The following AGRP variants were observed in gnomAD, a reference collection of about 807,000 sequenced individuals.
AGRP encodes agouti-related protein.
In AGRP, 8 loss-of-function variants were observed where a neutral mutation model predicts 13.6. The ratio of observed to expected loss-of-function variants is 0.59; its 90% CI spans 0.35 to 1.06. The LOEUF (loss-of-function observed/expected upper bound fraction) is 1.06. Among genes scored for constraint, AGRP ranks in the 50% least tolerant of loss-of-function variants. The pLI, the probability that AGRP is intolerant of heterozygous loss-of-function variation, is 0.02. For synonymous variants in AGRP, 63 were observed against 72.4 expected (o/e 0.87, Z 0.66); for missense variants, 155 against 174.8 (o/e 0.89, Z 0.64).
At chr16:67,483,485 A>G (rs991532140) in intron 1 of AGRP, 32 bp downstream of exon 1, 8 of 1,400,144 alleles carry the variant, frequency 5.7e-6, no homozygotes, top group Admixed American at 5.1e-5. Context: ...CCCCACAGAG[A>G]GGAGGAGTCC....
chr16:67,482,888 C>T, intron 3 of AGRP, 70 bp from the exon 4 acceptor site: 1 of 1,591,868 alleles, frequency 6.3e-7, no homozygotes, highest in Non-Finnish European at 8.6e-7. Flanking sequence ...CCAACCTGTG[C>T]AGGATGGCAG....
In AGRP at chr16:67,483,020, G is replaced by GT; in HGVS notation, c.216+4dup. Reference sequence around the variant, plus strand: ...ACCACCTTACCCTTTTCCCTGAGCAGTTACCTCTGCCAAGGCCTGAGCCTC... The same window carrying GT: ...ACCACCTTACCCTTTTCCCTGAGCAGTTTACCTCTGCCAAGGCCTGAGCCTC... On this transcript the variant is annotated splice_donor_region_variant and intron_variant, in intron 3 of 3. Transcript: ENST00000290953. The GT allele has an allele frequency of 6.2e-7, 1 of 1,614,080 alleles. No individual in the cohort carries two copies. Among genetic ancestry groups the GT allele is most frequent in the Middle Eastern group, 1.7e-4 (1 of 6,060 alleles).
intron 3 of AGRP, 85 bp from the exon 4 acceptor site, chr16:67,482,903 G>T: frequency 6.3e-7 from 1 of 1,578,164 alleles, no homozygotes; most frequent in Non-Finnish European, 8.7e-7. Context: ...TGGCAGTGGA[G>T]CATGGGAAGG....
rs997054410 is a variant in AGRP at position 67,483,346 on chromosome 16, G to A, written c.53C>T (p.Thr18Met). 9.0e-6 allele frequency: 14 copies of A among 1,553,734 alleles called. No homozygotes were observed. The highest frequency in any genetic ancestry group is 4.0e-5 in the Admixed American group (2 of 49,968). ...SCALLLALPA[T>M]RGAQMGLAPM... ...GGCCAAGCCCATCTGGGCTCCTCGC[G>A]TGGCAGGCAGTGCCAGCAGCAGGGC... Residue 18 changes from threonine (T) to methionine (M), a missense_variant, in exon 2 of 4, where the codon ACG becomes ATG. Thr to Met is a moderately conservative substitution (Grantham distance 81, BLOSUM62 -1). Coordinates refer to ENST00000290953, the MANE Select transcript of AGRP (RefSeq NM_001138.2).
intron 3 of AGRP, 36 bp from the exon 4 acceptor site, chr16:67,482,854 A>G: frequency 6.2e-7 from 1 of 1,611,812 alleles, no homozygotes; most frequent in East Asian, 2.2e-5. Flanking sequence ...GCCTCTAAAG[A>G]CAGATCCAGG....
rs750189420 is a variant in AGRP, at chr16:67,482,809, GGTCTAGT to G, written c.219_225del (p.Leu74CysfsTer13). 2 of 1,614,078 alleles carry G rather than the reference GGTCTAGT, an allele frequency of 1.2e-6. No homozygotes were observed. Among genetic ancestry groups the G allele is most frequent in the South Asian group, 2.2e-5 (2 of 91,086 alleles). On this transcript the variant is annotated frameshift_variant and splice_region_variant, in exon 4 of 4. Transcript: ENST00000290953. LOFTEE classifies it high-confidence loss of function. The stretch of plus-strand genomic sequence containing the variant: ...GAGGAGCGGGGCTCGCGGTCCTGCA[GGTCTAGT>G]ACCTGCAGGGGTGGGGAACCAGCAC...
chr16:67,483,362 G>C lies in AGRP; in HGVS notation c.37C>G (p.Leu13Val). ...GCTCCTCGCGTGGCAGGCAGTGCCA[G>C]CAGCAGGGCACAGCTCAGCACCGCT... ...TAAVLSCALL[L>V]ALPATRGAQM... The change falls in exon 2 of 4, where the codon CTG becomes GTG. Residue 13 changes from leucine to valine, a missense_variant. Coordinates refer to ENST00000290953, the MANE Select transcript of AGRP (RefSeq NM_001138.2). 1.3e-6 allele frequency: 2 copies of C among 1,548,950 alleles called. No homozygotes were observed. Among genetic ancestry groups the C allele is most frequent in the Non-Finnish European group, 1.7e-6 (2 of 1,150,272 alleles).
At chr16:67,482,966 C>CTAAT in intron 3 of AGRP, 59 bp downstream of exon 3, 1 of 1,578,160 alleles carries the variant, frequency 6.3e-7, no homozygotes, top group Non-Finnish European at 8.7e-7. Context: ...GGGAGAGGAG[C>CTAAT]TAATACCCAA....
At position 67,483,385 on chromosome 16, in the gene AGRP, G is replaced by C; in HGVS notation, c.14C>G (p.Ala5Gly). Reference protein sequence around the residue: MLTAAVLSCALLLAL... With the variant: MLTAGVLSCALLLAL... ...CAGCAGCAGGGCACAGCTCAGCACCGCTGCGGTCAGCATGGCCTGGCTCAG... is the reference window on the plus strand; with the variant it reads ...CAGCAGCAGGGCACAGCTCAGCACCCCTGCGGTCAGCATGGCCTGGCTCAG... Residue 5 changes from alanine to glycine, a missense_variant, in exon 2 of 4, where the codon GCG becomes GGG. By Grantham distance (60) the Ala-to-Gly change is moderately conservative. Transcript: ENST00000290953. The C allele has an allele frequency of 6.6e-7, 1 of 1,516,588 alleles. No homozygotes were observed. Among genetic ancestry groups the C allele is most frequent in the Non-Finnish European group, 8.8e-7 (1 of 1,132,770 alleles). The allele number at this position is 1,516,588 out of a possible 1,614,324, so 93.9% of individuals were successfully genotyped here.
Position 67,483,296 on chromosome 16 carries a change from C to A in AGRP, c.103G>T (p.Asp35Tyr). The change falls in exon 2 of 4, where the codon GAC becomes TAC. Residue 35 changes from aspartate (D) to tyrosine (Y), a missense_variant. Asp to Tyr is a radical substitution (Grantham distance 160). Coordinates refer to ENST00000290953, the MANE Select transcript of AGRP (RefSeq NM_001138.2). ...LAPMEGIRRP[D>Y]QALLPELPGL... ...GGGAGCTCTGGGAGCAGGGCCTGGT[C>A]AGGCCTTCTGATGCCCTCCATGGGG... 1.9e-6 allele frequency: 3 copies of A among 1,588,206 alleles called. No homozygotes were observed. The South Asian group carries it at 3.4e-5, about 18-fold the overall frequency.
chr16:67,483,509 G>A lies in AGRP; in HGVS notation c.-4+8C>T. The stretch of plus-strand genomic sequence containing the variant: ...GAGGAGGAGTCCCTGCCCAACCTGA[G>A]GACTCACCTCTGCCTCCGGGATTCT... On this transcript the variant is annotated splice_region_variant and intron_variant, in intron 1 of 3. Transcript: ENST00000290953. 1 of 1,265,026 alleles carries A rather than the reference G, an allele frequency of 7.9e-7. No individual in the cohort carries two copies. The highest frequency in any genetic ancestry group is 1.0e-6 in the Non-Finnish European group (1 of 961,896). 78.4% of individuals were successfully genotyped at this position (1,265,026 alleles called of 1,614,324 possible).
Position 67,482,747 on chromosome 16 carries a change from T to A in AGRP, c.288A>T (p.Gly96=). ...ATGGGTCACAGCAAGGCACCTGCTG[T>A]CCCAGGCAGGACTCATGCAGCCTTA... The part of the protein sequence containing the change: ...RCVRLHESCL[G]QQVPCCDPCA... Residue 96 remains glycine, a synonymous_variant, in exon 4 of 4, where the codon GGA becomes GGT. Coordinates refer to ENST00000290953, the MANE Select transcript of AGRP (RefSeq NM_001138.2). The A allele has an allele frequency of 1.2e-6, 2 of 1,614,128 alleles. No individual in the cohort carries two copies. Among genetic ancestry groups the A allele is most frequent in the Middle Eastern group, 1.6e-4 (1 of 6,062 alleles).
At position 67,482,571 on chromosome 16, in the gene AGRP, G is replaced by A; in HGVS notation, c.*65C>T. The A allele has an allele frequency of 6.3e-7, 1 of 1,582,646 alleles. No homozygotes were observed. Among genetic ancestry groups the A allele is most frequent in the African/African-American group, 1.3e-5 (1 of 74,246 alleles). ...CGTTTGAAATAACCACAGCCTTGGG[G>A]TTGGTCCCATCCTTTATTCGAGTTT... On this transcript the variant is annotated 3_prime_UTR_variant, in exon 4 of 4. Transcript: ENST00000290953.
In AGRP at chr16:67,483,393, C is replaced by G; in HGVS notation, c.6G>C (p.Leu2=). The G allele has an allele frequency of 6.6e-7, 1 of 1,512,280 alleles. No individual in the cohort carries two copies. The highest frequency in any genetic ancestry group is 8.8e-7 in the Non-Finnish European group (1 of 1,130,474). The allele number at this position is 1,512,280 out of a possible 1,614,324, so 93.7% of individuals were successfully genotyped here. ...GGGCACAGCTCAGCACCGCTGCGGT[C>G]AGCATGGCCTGGCTCAGCAGGAAGA... The part of the protein sequence containing the change: M[L]TAAVLSCALL... The change falls in exon 2 of 4, where the codon CTG becomes CTC. Residue 2 remains leucine, a synonymous_variant. Transcript: ENST00000290953.
At position 67,482,779 on chromosome 16, in the gene AGRP, G is replaced by C; in HGVS notation, c.256C>G (p.Arg86Gly). Reference sequence around the variant, plus strand: ...CAGGACTCATGCAGCCTTACGCAGCGACGTGAGGAGCGGGGCTCGCGGTCC... The same window carrying C: ...CAGGACTCATGCAGCCTTACGCAGCCACGTGAGGAGCGGGGCTCGCGGTCC... ...LQDREPRSSR[R>G]CVRLHESCLG... Residue 86 changes from arginine (R) to glycine (G), a missense_variant, in exon 4 of 4, where the codon CGC (arginine) becomes GGC (glycine). Coordinates refer to ENST00000290953, the MANE Select transcript of AGRP (RefSeq NM_001138.2). The C allele has an allele frequency of 6.2e-7, 1 of 1,614,176 alleles. No homozygotes were observed. Among genetic ancestry groups the C allele is most frequent in the Non-Finnish European group, 8.5e-7 (1 of 1,180,030 alleles).
Position 67,482,893 on chromosome 16 carries a change from T to C in AGRP, c.217-75A>G. 5 of 1,589,608 alleles carry C rather than the reference T, an allele frequency of 3.1e-6. No homozygotes were observed. In the South Asian group the frequency reaches 4.4e-5, roughly 14 times the overall value. The stretch of plus-strand genomic sequence containing the variant: ...CTTACCTGTCCCAACCTGTGCAGGA[T>C]GGCAGTGGAGCATGGGAAGGGGTGG... On this transcript the variant is annotated intron_variant, in intron 3 of 3. Coordinates refer to ENST00000290953, the MANE Select transcript of AGRP (RefSeq NM_001138.2).
Position 67,482,799 on chromosome 16 carries a change from C to T in AGRP, c.236G>A (p.Arg79His), listed in dbSNP as rs376534329. 29 of 1,614,088 alleles carry T rather than the reference C, an allele frequency of 1.8e-5. No homozygotes were observed. The African/African-American group carries it at 1.9e-4, about 10-fold the overall frequency. Residue 79 changes from arginine to histidine, a missense_variant, in exon 4 of 4, where the codon CGC (arginine) becomes CAC (histidine). Arg to His is a conservative substitution (Grantham distance 29). Transcript: ENST00000290953. Reference sequence around the variant, plus strand: ...GCAGCGACGTGAGGAGCGGGGCTCGCGGTCCTGCAGGTCTAGTACCTGCAG... The same window carrying T: ...GCAGCGACGTGAGGAGCGGGGCTCGTGGTCCTGCAGGTCTAGTACCTGCAG... ...ALAEVLDLQD[R>H]EPRSSRRCVR...
At chr16:67,482,952 G>A (rs1015192084) in intron 3 of AGRP, 73 bp downstream of exon 3, 2 of 1,566,740 alleles carry the variant, frequency 1.3e-6, no homozygotes, top group Non-Finnish European at 1.8e-6. Context: ...GGAGTTTGGA[G>A]CTGGGGAGAG....
At position 67,482,930 on chromosome 16, in the gene AGRP, G is replaced by A. The variant is rs556803694; in HGVS notation, c.216+95C>T. On this transcript the variant is annotated intron_variant, in intron 3 of 3. Coordinates refer to ENST00000290953, the MANE Select transcript of AGRP (RefSeq NM_001138.2). ...ATGGGAAGGGGTGGTCGGTAGTGTC[G>A]TCGCTGGTGAGGGAGTTTGGAGCTG... The A allele has an allele frequency of 4.8e-4, 755 of 1,565,052 alleles. 18 individuals are homozygous for A. In the South Asian group the frequency reaches 7.8e-3, roughly 16 times the overall value.
Sources: allele counts gnomAD v4.1 joint callset, GRCh38; gene constraint gnomAD v4.1.1; transcripts MANE v1.5; gene names NCBI Gene and HGNC (gene_info 2026-07-23, HGNC 2026-07-21).